Variants in NPY2R observed in about 807,000 individuals in gnomAD.
The protein encoded by NPY2R is neuropeptide Y receptor type 2.
A neutral mutation model predicts 22.3 loss-of-function variants in NPY2R; 17 were observed. The ratio of observed to expected loss-of-function variants is 0.76; its 90% CI spans 0.52 to 1.14. The LOEUF (loss-of-function observed/expected upper bound fraction) is 1.14. NPY2R is among the 50% of genes most tolerant of loss of function. The pLI is 0.00. For missense variants in NPY2R, 424 were observed against 467.9 expected, an observed-to-expected ratio of 0.91 and a Z score of 0.87; for synonymous variants, 209 against 183.4, an observed-to-expected ratio of 1.14 and a Z score of -1.13.
At chr4:155,212,572 A>T (rs1244819412) in intron 1 of NPY2R, among the ~76,000 whole-genome samples, 1 of 152,226 alleles carries the variant, frequency 6.6e-6, no homozygotes, top group East Asian at 1.9e-4. Context: ...CCAGGATGGT[A>T]AAGCCACCCC....
chr4:155,194,113 T>C, the NPY2R span, among the ~76,000 whole-genome samples: 1 of 151,952 alleles, frequency 6.6e-6, no homozygotes, highest in Non-Finnish European at 1.5e-5. Flanking sequence ...GTTTGTCAAC[T>C]GTATCTCGAC....
chr4:155,200,578 C>A, the NPY2R span, among the ~76,000 whole-genome samples: 25 of 152,032 alleles, frequency 1.6e-4, no homozygotes, highest in African/African-American at 5.3e-4. Flanking sequence ...GCACTATTTA[C>A]AATAGTAAAG....
the NPY2R span, among the ~76,000 whole-genome samples, chr4:155,194,640 C>A: frequency 2.6e-5 from 4 of 151,908 alleles, no homozygotes; most frequent in East Asian, 5.8e-4. Flanking sequence ...CTTTATCCAC[C>A]ACTGATGGGC....
the NPY2R span, among the ~76,000 whole-genome samples, chr4:155,189,663 A>G: frequency 6.6e-6 from 1 of 152,120 alleles, no homozygotes; most frequent in African/African-American, 2.4e-5. Flanking sequence ...TCAATATAAT[A>G]TAAAATGAAT....
At chr4:155,184,831 T>C in the NPY2R span, among the ~76,000 whole-genome samples, 1 of 151,864 alleles carries the variant, frequency 6.6e-6, no homozygotes, top group African/African-American at 2.4e-5. Flanking sequence ...AACTGTATTG[T>C]CATGAAAAGT....
upstream of NPY2R, chr4:155,206,653 G>C (rs1729289693): frequency 2.0e-5 from 3 of 152,202 alleles, no homozygotes; most frequent in South Asian, 6.2e-4. Context: ...ACGTCTATAA[G>C]AGAGTGAGGC....
the NPY2R span, among the ~76,000 whole-genome samples, chr4:155,188,318 T>A: frequency 2.0e-5 from 3 of 152,210 alleles, no homozygotes; most frequent in Admixed American, 6.5e-5. Context: ...GTTTTTGAGA[T>A]CTTCTTTCTA....
At chr4:155,193,162 T>A in the NPY2R span, among the ~76,000 whole-genome samples, 21 of 152,024 alleles carry the variant, frequency 1.4e-4, no homozygotes, top group African/African-American at 4.8e-4. Context: ...GAGCCAAATG[T>A]AGAACTCTTT....
chr4:155,197,166 T>G, the NPY2R span, among the ~76,000 whole-genome samples: 1 of 152,008 alleles, frequency 6.6e-6, no homozygotes, highest in Non-Finnish European at 1.5e-5. Context: ...TTTAAAAATA[T>G]GTGATTATAA....
In NPY2R at chr4:155,214,676, T is replaced by A. The variant is rs1255320290; in HGVS notation, c.737T>A (p.Leu246Ter). 1 of 1,614,216 alleles carries A rather than the reference T, an allele frequency of 6.2e-7. No homozygotes were observed. Among genetic ancestry groups the A allele is most frequent in the Non-Finnish European group, 8.5e-7 (1 of 1,180,032 alleles). ...TCCTACACTCGCATTTGGAGTAAAT[T>A]GAAGAACCATGTCAGTCCTGGAGCT... ...SFSYTRIWSK[L>*]KNHVSPGAAN... is the part of the protein sequence containing the mutation. Residue 246 changes from leucine to a stop codon, truncating the protein, a stop_gained, in exon 2 of 2, where the codon TTG becomes TAG. Coordinates refer to ENST00000329476, the MANE Select transcript of NPY2R (RefSeq NM_000910.4). LOFTEE classifies it high-confidence loss of function.
the NPY2R span, among the ~76,000 whole-genome samples, chr4:155,202,116 A>C: frequency 6.6e-6 from 1 of 152,216 alleles, no homozygotes; most frequent in Non-Finnish European, 1.5e-5. Flanking sequence ...ACATTGACTC[A>C]GTATCACATA....
At chr4:155,212,491 C>T (rs184519366) in intron 1 of NPY2R, among the ~76,000 whole-genome samples, 268 of 152,202 alleles carry the variant, frequency 1.8e-3, no homozygotes, top group African/African-American at 3.3e-3. Context: ...TGTCTTCACC[C>T]GGCAAAAACC....
chr4:155,202,679 T>C, the NPY2R span, among the ~76,000 whole-genome samples: 1 of 152,152 alleles, frequency 6.6e-6, no homozygotes, highest in Non-Finnish European at 1.5e-5. Flanking sequence ...TATAAATCTT[T>C]CACTTCCCCT....
chr4:155,187,252 T>A, the NPY2R span, among the ~76,000 whole-genome samples: 1 of 152,182 alleles, frequency 6.6e-6, no homozygotes, highest in Non-Finnish European at 1.5e-5. Context: ...GGCCACAAAA[T>A]GATTCCTTAA....
chr4:155,176,580 A>C, the NPY2R span, among the ~76,000 whole-genome samples: 1 of 152,194 alleles, frequency 6.6e-6, no homozygotes, highest in Admixed American at 6.5e-5. Flanking sequence ...TGCAGCCACC[A>C]TATTAGGATA....
upstream of NPY2R, chr4:155,207,279 T>C (rs1394468679): frequency 1.3e-5 from 2 of 151,182 alleles, no homozygotes; most frequent in Admixed American, 6.6e-5. Flanking sequence ...TTGGAGAATA[T>C]GTATTACCTT....
At chr4:155,200,159 A>G in the NPY2R span, among the ~76,000 whole-genome samples, 5 of 152,268 alleles carry the variant, frequency 3.3e-5, no homozygotes, top group East Asian at 9.6e-4. Flanking sequence ...TATAAGAAAA[A>G]ACAAACAACC....
At position 155,214,791 on chromosome 4, in the gene NPY2R, C is replaced by G; in HGVS notation, c.852C>G (p.Leu284=). The change falls in exon 2 of 2, where the codon CTC becomes CTG. Residue 284 remains leucine (L), a synonymous_variant. Coordinates refer to ENST00000329476, the MANE Select transcript of NPY2R (RefSeq NM_000910.4). The stretch of plus-strand genomic sequence containing the variant: ...TGTTTGCGGTCAGCTGGCTGCCTCT[C>G]CATGCCTTCCAGCTTGCCGTTGACA... ...VVVFAVSWLP[L]HAFQLAVDID... 1.2e-6 allele frequency: 2 copies of G among 1,613,410 alleles called. No individual in the cohort carries two copies. Among genetic ancestry groups the G allele is most frequent in the Non-Finnish European group, 1.7e-6 (2 of 1,179,438 alleles).
In NPY2R at chr4:155,215,021, A is replaced by C; in HGVS notation, c.1082A>C (p.Lys361Thr). 2 of 1,614,110 alleles carry C rather than the reference A, an allele frequency of 1.2e-6. No homozygotes were observed. The highest frequency in any genetic ancestry group is 1.6e-4 in the Middle Eastern group (1 of 6,062). The change falls in exon 2 of 2, where the codon AAG becomes ACG. Residue 361 changes from lysine (K) to threonine (T), a missense_variant. Physicochemically the swap from Lys to Thr is moderately conservative, Grantham distance 78. Coordinates refer to ENST00000329476, the MANE Select transcript of NPY2R (RefSeq NM_000910.4). ...GTGTCCGTGACATTCAAGGCTAAAA[A>C]GAACCTGGAGGTCAGAAAGAACAGT... ...SEVSVTFKAK[K>T]NLEVRKNSGP...
Sources: allele counts gnomAD v4.1 joint callset (sites outside exome capture counted in the v4.1 genomes callset), GRCh38; gene constraint gnomAD v4.1.1; transcripts MANE v1.5; gene names NCBI Gene and HGNC (gene_info 2026-07-23, HGNC 2026-07-21).